Variants in ATRNL1 observed in about 807,000 individuals in gnomAD.
ATRNL1 encodes the protein attractin-like protein 1.
Under a neutral mutation model 182.7 loss-of-function variants are expected in ATRNL1, and 95 were observed. The ratio of observed to expected loss-of-function variants is 0.52; its 90% CI spans 0.44 to 0.62. ATRNL1 has a LOEUF of 0.62. ATRNL1 is among the 20% of genes least tolerant of loss of function. The pLI, the probability that ATRNL1 is intolerant of heterozygous loss-of-function variation, is 0.00. For missense variants in ATRNL1, 1,471 were observed against 1,679.5 expected, an observed-to-expected ratio of 0.88 and a Z score of 2.17; for synonymous variants, 576 against 568.3, an observed-to-expected ratio of 1.01 and a Z score of -0.19.
At chr10:115,940,411 T>C (rs918655605) in intron 28 of ATRNL1, among the ~76,000 whole-genome samples, 28 of 152,198 alleles carry the variant, frequency 1.8e-4, no homozygotes, top group African/African-American at 4.8e-4. Context: ...GCAGGCTGGC[T>C]TCCTGGGCTG....
In ATRNL1 at chr10:115,179,750, G is replaced by C. The variant is rs564864736; in HGVS notation, c.1348+8458G>C. On this transcript the variant is annotated intron_variant, in intron 8 of 28. Transcript: ENST00000355044. ...TTAGTGGATAAAAATGTTGGCAGAA[G>C]TATAAACATTTCAGAATAGCATGGA... 2.0e-5 allele frequency among the ~76,000 whole-genome samples: 3 copies of C among 152,194 alleles called. No homozygotes were observed. The South Asian group carries it at 6.2e-4, about 32-fold the overall frequency.
intron 19 of ATRNL1, among the ~76,000 whole-genome samples, chr10:115,337,474 C>T (rs1655754158): frequency 6.6e-6 from 1 of 151,856 alleles, no homozygotes; most frequent in Non-Finnish European, 1.5e-5. Flanking sequence ...TTAACTATAC[C>T]CCCTGCCCTC....
At chr10:115,671,198 T>G (rs1441499557) in intron 26 of ATRNL1, among the ~76,000 whole-genome samples, 1 of 152,146 alleles carries the variant, frequency 6.6e-6, no homozygotes, top group African/African-American at 2.4e-5. Context: ...TTTAGAAGTC[T>G]TCTTTTTGCC....
chr10:115,164,048 C>A (rs1313935853), intron 6 of ATRNL1, among the ~76,000 whole-genome samples: 1 of 152,118 alleles, frequency 6.6e-6, no homozygotes, highest in Non-Finnish European at 1.5e-5. Flanking sequence ...GGGAAGATAA[C>A]AATTGATAGC....
chr10:115,577,946 AT>A (rs1854826500), intron 26 of ATRNL1, among the ~76,000 whole-genome samples: 2 of 151,584 alleles, frequency 1.3e-5, no homozygotes, highest in Admixed American at 1.3e-4. Context: ...TTTCTTTAAT[AT>A]TAAAAAAAAT....
chr10:115,107,741 A>G (rs569962441), intron 1 of ATRNL1, among the ~76,000 whole-genome samples: 1 of 152,374 alleles, frequency 6.6e-6, no homozygotes, highest in African/African-American at 2.4e-5. Context: ...CACCTGCAGA[A>G]TTGGCACCAC....
chr10:115,887,714 G>A (rs527679166), intron 28 of ATRNL1, among the ~76,000 whole-genome samples: 2 of 149,164 alleles, frequency 1.3e-5, no homozygotes, highest in South Asian at 4.3e-4. Flanking sequence ...CCTCTTCTCA[G>A]TGAGTGGCAT....
chr10:115,375,658 A>G (rs1269078079), intron 19 of ATRNL1, among the ~76,000 whole-genome samples: 2 of 152,034 alleles, frequency 1.3e-5, no homozygotes, highest in Non-Finnish European at 2.9e-5. Context: ...CATGATTACC[A>G]TTAAGCATAA....
At chr10:115,241,767 A>G in intron 10 of ATRNL1, 42 bp downstream of exon 10, 2 of 1,522,734 alleles carry the variant, frequency 1.3e-6, no homozygotes, top group East Asian at 2.3e-5. Context: ...AAATATCAGA[A>G]ATTTTCCATA....
intron 26 of ATRNL1, among the ~76,000 whole-genome samples, chr10:115,579,000 T>C (rs1854900776): frequency 6.6e-6 from 1 of 151,810 alleles, no homozygotes; most frequent in Non-Finnish European, 1.5e-5. Context: ...TTCACATATT[T>C]GTGAACTTTC....
chr10:115,886,469 G>C (rs1254837236), intron 28 of ATRNL1, among the ~76,000 whole-genome samples: 1 of 152,152 alleles, frequency 6.6e-6, no homozygotes, highest in African/African-American at 2.4e-5. Context: ...AGCCAAGATC[G>C]CACCATTGCA....
intron 24 of ATRNL1, among the ~76,000 whole-genome samples, chr10:115,470,108 A>G (rs992282617): frequency 1.3e-5 from 2 of 150,548 alleles, no homozygotes; most frequent in Admixed American, 6.6e-5. Context: ...TTCCCTATAT[A>G]TTAGTAAATT....
chr10:115,602,644 A>G (rs1441404411), intron 26 of ATRNL1, among the ~76,000 whole-genome samples: 4 of 152,094 alleles, frequency 2.6e-5, no homozygotes, highest in Non-Finnish European at 5.9e-5. Context: ...TGGGTGGATC[A>G]CAAGATCAGG....
At chr10:115,681,767 A>G (rs1946053820) in intron 26 of ATRNL1, among the ~76,000 whole-genome samples, 1 of 152,152 alleles carries the variant, frequency 6.6e-6, no homozygotes, top group Non-Finnish European at 1.5e-5. Flanking sequence ...GGGTGAATAT[A>G]TAACTAAAAA....
At chr10:115,665,708 A>G (rs138698817) in intron 26 of ATRNL1, among the ~76,000 whole-genome samples, 60 of 152,278 alleles carry the variant, frequency 3.9e-4, no homozygotes, top group African/African-American at 1.1e-3. Context: ...ACTCCCCTTG[A>G]GTCACAGTTT....
intron 9 of ATRNL1, among the ~76,000 whole-genome samples, chr10:115,230,911 GA>G (rs1564837938): frequency 1.8e-5 from 2 of 112,028 alleles, no homozygotes; most frequent in Admixed American, 8.3e-5. Flanking sequence ...GAGAGAGAGA[GA>G]GAGAGAGAGA....
At position 115,847,992 on chromosome 10, in the gene ATRNL1, G is replaced by A; in HGVS notation, c.4018+1G>A. 1.3e-6 allele frequency: 2 copies of A among 1,572,432 alleles called. No individual in the cohort carries two copies. Among genetic ancestry groups the A allele is most frequent in the Non-Finnish European group, 1.8e-6 (2 of 1,142,666 alleles). On this transcript the variant is annotated splice_donor_variant, in intron 28 of 28. Coordinates refer to ENST00000355044, the MANE Select transcript of ATRNL1 (RefSeq NM_207303.4). LOFTEE classifies it high-confidence loss of function. ...GGTGCCCCTCCCCCTGGGCAGTCAGGTATGATAAATGAGGAGCCTTCAGCA... is the reference window on the plus strand; with the variant it reads ...GGTGCCCCTCCCCCTGGGCAGTCAGATATGATAAATGAGGAGCCTTCAGCA...
chr10:115,134,432 T>A (rs1032563097), intron 5 of ATRNL1, among the ~76,000 whole-genome samples: 1 of 151,060 alleles, frequency 6.6e-6, no homozygotes, highest in African/African-American at 2.4e-5. Context: ...AACTAGAAAA[T>A]CTAGAAGAAA....
chr10:115,831,582 G>A lies in ATRNL1; in HGVS notation c.3904-16295G>A, dbSNP rs543130905. ...CAAACCAATTGGAAAGGTGTTCCCT[G>A]TATTACCAAGAGCCCAGGAGTCAGT... On this transcript the variant is annotated intron_variant, in intron 27 of 28. Transcript: ENST00000355044. 5.9e-5 allele frequency among the ~76,000 whole-genome samples: 9 copies of A among 152,218 alleles called. No individual in the cohort carries two copies. The East Asian group carries it at 1.7e-3, about 29-fold the overall frequency.
Sources: allele counts gnomAD v4.1 joint callset (sites outside exome capture counted in the v4.1 genomes callset), GRCh38; gene constraint gnomAD v4.1.1; transcripts MANE v1.5; gene names NCBI Gene and HGNC (gene_info 2026-07-23, HGNC 2026-07-21).